Variants in AACS observed in about 807,000 individuals in gnomAD.
The protein encoded by AACS is acetoacetyl-CoA synthetase.
AACS carries 69 observed loss-of-function variants against 83.1 expected under a neutral mutation model. The observed-to-expected ratio is 0.83, with a 90% CI of 0.68 to 1.01. AACS has a LOEUF of 1.01. Among genes scored for constraint, AACS ranks in the 50% least tolerant of loss-of-function variants. The pLI is 0.00. For synonymous variants in AACS, 333 were observed against 343.4 expected (o/e 0.97, Z 0.33); for missense variants, 866 against 882.2 (o/e 0.98, Z 0.23).
In AACS at chr12:125,142,258, G is replaced by A. The variant is rs753342948; in HGVS notation, c.*29G>A. ...AGACTGGCTGGCGTGTCACTCAGCC[G>A]CACCCGTGTGCACTGTAACTTTTGT... On this transcript the variant is annotated 3_prime_UTR_variant, in exon 18 of 18. Transcript: ENST00000316519. 18 of 1,601,708 alleles carry A rather than the reference G, an allele frequency of 1.1e-5. No individual in the cohort carries two copies. The highest frequency in any genetic ancestry group is 1.4e-5 in the Non-Finnish European group (16 of 1,172,770).
At position 125,124,908 on chromosome 12, in the gene AACS, C is replaced by T. The variant is rs543641883; in HGVS notation, c.1193C>T (p.Thr398Ile). 3.7e-6 allele frequency: 6 copies of T among 1,614,200 alleles called. No homozygotes were observed. The South Asian group carries it at 5.5e-5, about 15-fold the overall frequency. The change falls in exon 12 of 18, where the codon ACC becomes ATC. Residue 398 changes from threonine to isoleucine, a missense_variant. Coordinates refer to ENST00000316519, the MANE Select transcript of AACS (RefSeq NM_023928.5). Reference protein sequence around the residue: ...LEEKAMKPVETHSLQMLHTIL... With the variant: ...LEEKAMKPVEIHSLQMLHTIL... ...TGGTGACTCTGCACCCCAGTGGAAA[C>T]CCACAGTCTCCAGATGCTCCACACG... is the stretch of plus-strand genomic sequence containing the variant.
intron 3 of AACS, among the ~76,000 whole-genome samples, chr12:125,085,404 A>G (rs747652360): frequency 6.6e-6 from 1 of 151,072 alleles, no homozygotes; most frequent in Non-Finnish European, 1.5e-5. Flanking sequence ...GTGGAACCAC[A>G]CACGTGCACC....
rs1427257268 is a variant in AACS, at chr12:125,129,136, A to G, written c.1424-199A>G. The G allele has an allele frequency of 4.5e-5, 27 of 602,696 alleles. No homozygotes were observed. The highest frequency in any genetic ancestry group is 5.5e-5 in the Non-Finnish European group (21 of 382,718). The allele number at this position is 602,696 out of a possible 1,614,324, so 37.3% of individuals were successfully genotyped here. ...TACGTCCGAGACAGCGATTTTGGGG[A>G]GCACACAGGGAGGGGACTTCATCTG... On this transcript the variant is annotated intron_variant, in intron 13 of 17. Transcript: ENST00000316519. This position sits in a 1 kb window ranked among gnomAD's most constrained non-coding sequence, Gnocchi z 4.3.
At chr12:125,110,180 C>T (rs1055250809) in intron 8 of AACS, among the ~76,000 whole-genome samples, 6 of 146,066 alleles carry the variant, frequency 4.1e-5, no homozygotes, top group Non-Finnish European at 6.0e-5. Context: ...CGACCACGGC[C>T]GGCTAAGTTT....
chr12:125,100,262 A>ATGT (rs1956686760), intron 5 of AACS, among the ~76,000 whole-genome samples: 1 of 152,220 alleles, frequency 6.6e-6, no homozygotes, highest in Non-Finnish European at 1.5e-5. Flanking sequence ...TAAGAAGCTT[A>ATGT]TGTTATTGGT....
intron 8 of AACS, among the ~76,000 whole-genome samples, chr12:125,112,092 T>C (rs940702611): frequency 1.3e-5 from 2 of 152,116 alleles, no homozygotes; most frequent in African/African-American, 4.8e-5. Context: ...AGAATCCGAG[T>C]TCCCTGTCCT....
intron 10 of AACS, among the ~76,000 whole-genome samples, 153 bp downstream of exon 10, chr12:125,118,918 C>T (rs546509274): frequency 1.2e-4 from 18 of 152,196 alleles, no homozygotes; most frequent in Admixed American, 1.0e-3. Context: ...AAGAGGAGGG[C>T]ATGGGAGGTG....
At chr12:125,092,206 G>C (rs2136076811) in intron 5 of AACS, among the ~76,000 whole-genome samples, 1 of 152,340 alleles carries the variant, frequency 6.6e-6, no homozygotes, top group East Asian at 1.9e-4. Flanking sequence ...TGAGCGTCAG[G>C]GACCTTCAGG....
intron 1 of AACS, among the ~76,000 whole-genome samples, chr12:125,071,276 C>CA (rs1355177884): frequency 1.3e-5 from 2 of 152,172 alleles, no homozygotes; most frequent in Non-Finnish European, 2.9e-5. Flanking sequence ...CCTTGGAACT[C>CA]ACGTTTGGCC....
chr12:125,085,524 G>A (rs1410380666), intron 3 of AACS, among the ~76,000 whole-genome samples: 3 of 150,894 alleles, frequency 2.0e-5, no homozygotes, highest in Non-Finnish European at 3.0e-5. Context: ...ATGGAACCAC[G>A]TACGTGCACG....
At chr12:125,131,933 G>C (rs917574337) in intron 14 of AACS, among the ~76,000 whole-genome samples, 1 of 152,184 alleles carries the variant, frequency 6.6e-6, no homozygotes, top group African/African-American at 2.4e-5. Context: ...AATTTTAAAA[G>C]AAAGTAAAAG....
At chr12:125,136,454 A>G (rs1957401573) in intron 16 of AACS, among the ~76,000 whole-genome samples, 1 of 151,924 alleles carries the variant, frequency 6.6e-6, no homozygotes, top group Non-Finnish European at 1.5e-5. Context: ...CTGCCTCCCC[A>G]GTGATGGGTT....
At chr12:125,073,744 TCCCC>T (rs1468527760) in intron 1 of AACS, 128 bp from the exon 2 acceptor site, 4 of 664,938 alleles carry the variant, frequency 6.0e-6, no homozygotes, top group Non-Finnish European at 1.0e-5. Flanking sequence ...AGCTCCTTCC[TCCCC>T]CAGACCATTT....
rs989467376 is a variant in AACS at position 125,129,356 on chromosome 12, G to A, written c.1445G>A (p.Ser482Asn). 3 of 1,613,534 alleles carry A rather than the reference G, an allele frequency of 1.9e-6. No homozygotes were observed. Among genetic ancestry groups the A allele is most frequent in the Admixed American group, 3.3e-5 (2 of 59,946 alleles). Residue 482 changes from serine to asparagine, a missense_variant, in exon 14 of 18, where the codon AGC becomes AAC. Transcript: ENST00000316519. This position sits in a 1 kb window ranked among gnomAD's most constrained non-coding sequence, Gnocchi z 4.3. Reference protein sequence around the residue: ...NEEGKAVWGESGELVCTKPIP... With the variant: ...NEEGKAVWGENGELVCTKPIP... ...CCAGGAAAGGCGGTCTGGGGAGAGA[G>A]CGGCGAGCTGGTGTGTACTAAGCCG...
At chr12:125,136,136 A>ACCTCCTGGGCTCAGGCGAT (rs1957397425) in intron 16 of AACS, 1 of 146,204 alleles carries the variant, frequency 6.8e-6, no homozygotes, top group Non-Finnish European at 1.5e-5. Flanking sequence ...TGTAGCCTCG[A>ACCTCCTGGGCTCAGGCGAT]CCTCCTGGGC....
Position 125,136,863 on chromosome 12 carries a change from CG to C in AACS, c.1881+1del. 5 of 1,612,744 alleles carry C rather than the reference CG, an allele frequency of 3.1e-6. No individual in the cohort carries two copies. The highest frequency in any genetic ancestry group is 4.2e-6 in the Non-Finnish European group (5 of 1,179,920). ...CTCATCCTGGAAACCAAGGGCATCC[CG>C]GTATGGCCATCTCCCGCCAGCGAGG... ...PSLILETKGI[P>X]YTLNGKKVEV... On this transcript the variant is annotated frameshift_variant and splice_region_variant, in exon 17 of 18. Transcript: ENST00000316519. LOFTEE classifies it high-confidence loss of function.
At position 125,142,281 on chromosome 12, in the gene AACS, T is replaced by G; in HGVS notation, c.*52T>G. 6.3e-7 allele frequency: 1 copy of G among 1,592,544 alleles called. No homozygotes were observed. The highest frequency in any genetic ancestry group is 8.6e-7 in the Non-Finnish European group (1 of 1,166,570). On this transcript the variant is annotated 3_prime_UTR_variant, in exon 18 of 18. Coordinates refer to ENST00000316519, the MANE Select transcript of AACS (RefSeq NM_023928.5). ...CCGCACCCGTGTGCACTGTAACTTT[T>G]GTGTGCTCAAGAAATTATACAGAAA...
At chr12:125,071,278 C>T (rs1282106410) in intron 1 of AACS, among the ~76,000 whole-genome samples, 1 of 152,156 alleles carries the variant, frequency 6.6e-6, no homozygotes, top group Non-Finnish European at 1.5e-5. Flanking sequence ...TTGGAACTCA[C>T]GTTTGGCCAC....
Position 125,107,190 on chromosome 12 carries a change from G to T in AACS, c.837G>T (p.Leu279=). Residue 279 remains leucine, a synonymous_variant, in exon 8 of 18, where the codon CTG becomes CTT. Coordinates refer to ENST00000316519, the MANE Select transcript of AACS (RefSeq NM_023928.5). ...CCCCGCAGCTGGAGTTCGAGCAGCT[G>T]CCCTTCAGCCACCCACTGTTCATCA... ...EQAPQLEFEQ[L]PFSHPLFIMF... 6.2e-7 allele frequency: 1 copy of T among 1,614,148 alleles called. No individual in the cohort carries two copies. Among genetic ancestry groups the T allele is most frequent in the East Asian group, 2.2e-5 (1 of 44,892 alleles).
Sources: gnomAD v4.1 joint callset for allele counts (sites outside exome capture counted in the v4.1 genomes callset) on GRCh38, gnomAD v4.1.1 for gene constraint, Gnocchi (gnomAD v3.1) non-coding constraint, MANE v1.5 for transcripts, NCBI Gene and HGNC (gene_info 2026-07-23, HGNC 2026-07-21) for gene names.